CACNG3: variants seen among roughly 807,000 people sequenced by gnomAD.
CACNG3 encodes voltage-dependent calcium channel gamma-3 subunit.
CACNG3 carries 3 observed loss-of-function variants against 28.5 expected under a neutral mutation model. That is an observed-to-expected ratio of 0.11 (90% CI 0.05 to 0.27). CACNG3 has a LOEUF of 0.27. CACNG3 is among the 10% of genes least tolerant of loss of function. The probability of loss-of-function intolerance (pLI) is 1.00; values close to 1 mark genes in which losing one functional copy is unlikely to be tolerated. For synonymous variants in CACNG3, 174 were observed against 162.2 expected, an observed-to-expected ratio of 1.07 and a Z score of -0.55; for missense variants, 236 against 414.4, an observed-to-expected ratio of 0.57 and a Z score of 3.74.
intron 1 of CACNG3, among the ~76,000 whole-genome samples, chr16:24,303,666 C>T (rs1899144113): frequency 6.6e-6 from 1 of 152,050 alleles, no homozygotes; most frequent in South Asian, 2.1e-4. Context: ...GAACTTCCTT[C>T]TTTAGAATTG....
chr16:24,337,885 G>A (rs1899732695), intron 1 of CACNG3, among the ~76,000 whole-genome samples: 1 of 139,226 alleles, frequency 7.2e-6, no homozygotes, highest in Non-Finnish European at 1.6e-5. Context: ...TTTTCCAGAG[G>A]TTGAGTTGCA....
chr16:24,343,962 G>A (rs565843775), intron 1 of CACNG3, among the ~76,000 whole-genome samples: 50 of 151,794 alleles, frequency 3.3e-4, no homozygotes, highest in African/African-American at 1.1e-3. Context: ...GGTGGCAGGC[G>A]CCTTTAATCC....
intron 1 of CACNG3, among the ~76,000 whole-genome samples, chr16:24,260,303 A>T (rs1898520908): frequency 6.6e-6 from 1 of 152,200 alleles, no homozygotes; most frequent in African/African-American, 2.4e-5. Context: ...ACCCTTAAAA[A>T]ATACCTAGGA....
At chr16:24,315,701 G>A (rs1050690060) in intron 1 of CACNG3, among the ~76,000 whole-genome samples, 5 of 149,384 alleles carry the variant, frequency 3.3e-5, no homozygotes, top group African/African-American at 1.2e-4. Flanking sequence ...TGTTGCTGAG[G>A]CTGGGATGCA....
intron 1 of CACNG3, among the ~76,000 whole-genome samples, chr16:24,312,070 G>A (rs927498924): frequency 1.3e-5 from 2 of 152,194 alleles, no homozygotes; most frequent in African/African-American, 4.8e-5. Flanking sequence ...CAACAAGAAG[G>A]AATGATGGAG....
chr16:24,331,184 G>A (rs1199619924), intron 1 of CACNG3, among the ~76,000 whole-genome samples: 1 of 152,024 alleles, frequency 6.6e-6, no homozygotes. Context: ...TTGGCTCTGA[G>A]GTCCAGGACT....
chr16:24,313,962 C>T (rs1294615240), intron 1 of CACNG3, among the ~76,000 whole-genome samples: 1 of 152,156 alleles, frequency 6.6e-6, no homozygotes, highest in Non-Finnish European at 1.5e-5. Flanking sequence ...CCAGGCTGGT[C>T]TTGAACTCGT....
At chr16:24,279,501 CACTAT>C in intron 1 of CACNG3, among the ~76,000 whole-genome samples, 2 of 152,066 alleles carry the variant, frequency 1.3e-5, no homozygotes, top group South Asian at 4.2e-4. Context: ...GAGAGTATCT[CACTAT>C]GCTGCCTAGG....
At chr16:24,281,965 G>A (rs1363931808) in intron 1 of CACNG3, among the ~76,000 whole-genome samples, 1 of 152,174 alleles carries the variant, frequency 6.6e-6, no homozygotes, top group East Asian at 1.9e-4. Flanking sequence ...GATGGTAAAA[G>A]ATGGAGCCAC....
intron 1 of CACNG3, among the ~76,000 whole-genome samples, chr16:24,322,261 G>A (rs989585585): frequency 5.9e-5 from 9 of 152,124 alleles, no homozygotes; most frequent in Non-Finnish European, 1.2e-4. Flanking sequence ...TGAGGAAGGA[G>A]CACCGTCTCC....
intron 1 of CACNG3, among the ~76,000 whole-genome samples, chr16:24,257,417 G>GAGAGAGAGAGAA (rs1898479175): frequency 7.6e-6 from 1 of 132,120 alleles, no homozygotes; most frequent in South Asian, 2.4e-4. Flanking sequence ...GAGAGAGAGA[G>GAGAGAGAGAGAA]AGAGAGAGAG....
intron 1 of CACNG3, among the ~76,000 whole-genome samples, chr16:24,293,304 G>A (rs1898988991): frequency 6.6e-6 from 1 of 152,136 alleles, no homozygotes. Context: ...TCCAGAAGGA[G>A]AGGATGGGTC....
chr16:24,265,383 A>AAAAG lies in CACNG3; in HGVS notation c.211+8425_211+8428dup, dbSNP rs1196597081. 4.2e-4 allele frequency among the ~76,000 whole-genome samples: 64 copies of AAAAG among 150,766 alleles called. 1 individual carries two copies. Among genetic ancestry groups the AAAAG allele is most frequent in the African/African-American group, 1.2e-3 (48 of 40,820 alleles). On this transcript the variant is annotated intron_variant, in intron 1 of 3. Transcript: ENST00000005284. ...AGAAAGAAAGAAAAAAGAAAGAAAG[A>AAAAG]AAAGAAAGAAGAAAGAAAGAAAAAG...
intron 1 of CACNG3, among the ~76,000 whole-genome samples, chr16:24,333,151 AG>A (rs1282951698): frequency 6.6e-6 from 1 of 152,188 alleles, no homozygotes; most frequent in Non-Finnish European, 1.5e-5. Flanking sequence ...GGGAAGGGAA[AG>A]ATTTCATACT....
intron 1 of CACNG3, among the ~76,000 whole-genome samples, chr16:24,322,378 C>T (rs532294259): frequency 6.6e-6 from 1 of 152,236 alleles, no homozygotes; most frequent in Non-Finnish European, 1.5e-5. Flanking sequence ...CCACAAGCTG[C>T]CAAGAGAAGC....
At chr16:24,309,259 A>T (rs948211564) in intron 1 of CACNG3, among the ~76,000 whole-genome samples, 3 of 152,224 alleles carry the variant, frequency 2.0e-5, no homozygotes, top group Admixed American at 6.5e-5. Flanking sequence ...GGTGCATCCC[A>T]TACTTTATGT....
chr16:24,278,723 AC>A (rs1006825461), intron 1 of CACNG3, among the ~76,000 whole-genome samples: 2 of 152,108 alleles, frequency 1.3e-5, no homozygotes, highest in South Asian at 2.1e-4. Flanking sequence ...CTTTTTAACA[AC>A]CCTTCATATC....
chr16:24,312,837 C>G (rs887309468), intron 1 of CACNG3, among the ~76,000 whole-genome samples: 1 of 138,678 alleles, frequency 7.2e-6, no homozygotes, highest in Non-Finnish European at 1.5e-5. Flanking sequence ...CAGGGCAGAG[C>G]TGGGCAAGAC....
rs769196310 is a variant in CACNG3 at position 24,361,812 on chromosome 16, C to A, written c.897C>A (p.Phe299Leu). ...TCCACAATTCCACACCCAAAGAGTT[C>A]AAAGAGTCACTGCATAATAATCCGG... ...LQFHNSTPKE[F>L]KESLHNNPAN... The change falls in exon 4 of 4, where the codon TTC becomes TTA. Residue 299 changes from phenylalanine (F) to leucine (L), a missense_variant. Physicochemically the swap from Phe to Leu is conservative, Grantham distance 22. Coordinates refer to ENST00000005284, the MANE Select transcript of CACNG3 (RefSeq NM_006539.4). This position sits in a 1 kb window ranked among gnomAD's most constrained non-coding sequence, Gnocchi z 6.8. The A allele has an allele frequency of 6.2e-7, 1 of 1,613,628 alleles. No homozygotes were observed. The highest frequency in any genetic ancestry group is 8.5e-7 in the Non-Finnish European group (1 of 1,179,998).
Sources: gnomAD v4.1 joint callset for allele counts (sites outside exome capture counted in the v4.1 genomes callset) on GRCh38, gnomAD v4.1.1 for gene constraint, Gnocchi (gnomAD v3.1) non-coding constraint, MANE v1.5 for transcripts, NCBI Gene and HGNC (gene_info 2026-07-23, HGNC 2026-07-21) for gene names.